The following MARCHF1 variants were observed in gnomAD, a reference collection of about 807,000 sequenced individuals.
MARCHF1 encodes the protein membrane associated ring-CH-type finger 1.
In MARCHF1, 40 loss-of-function variants were observed where a neutral mutation model predicts 54.2. That is an observed-to-expected ratio of 0.74 (90% CI 0.57 to 0.96). The LOEUF is 0.96. Among genes scored for constraint, MARCHF1 ranks in the 40% least tolerant of loss-of-function variants. MARCHF1 has a pLI of 0.00. For synonymous variants in MARCHF1, 236 were observed against 236.3 expected (o/e 1.00, Z 0.01); for missense variants, 586 against 656.5 (o/e 0.89, Z 1.17).
chr4:164,211,264 G>T (rs1731760881), intron 1 of MARCHF1, among the ~76,000 whole-genome samples: 2 of 112,552 alleles, frequency 1.8e-5, no homozygotes, highest in African/African-American at 6.5e-5. Context: ...TAATAAGCTT[G>T]ATTTAATCTT....
chr4:164,345,612 AAT>A (rs1730071301), intron 1 of MARCHF1, among the ~76,000 whole-genome samples: 4 of 148,642 alleles, frequency 2.7e-5, no homozygotes, highest in Admixed American at 2.7e-4. Context: ...TAATAATAAT[AAT>A]AAATTTAAAA....
In MARCHF1 at chr4:163,640,407, AT is replaced by A. The variant is rs1167744142; in HGVS notation, c.163-27015del. ...ACTTCTTATGCATAGTGAAGATTCT[AT>A]CAAAAATGTGAGGTGGCAAACAATG... On this transcript the variant is annotated intron_variant, in intron 5 of 9. Transcript: ENST00000514618. 2.0e-5 allele frequency among the ~76,000 whole-genome samples: 3 copies of A among 152,258 alleles called. No homozygotes were observed. The East Asian group carries it at 5.8e-4, about 29-fold the overall frequency.
chr4:164,123,200 A>G (rs990824094), intron 1 of MARCHF1, among the ~76,000 whole-genome samples: 1 of 152,118 alleles, frequency 6.6e-6, no homozygotes, highest in African/African-American at 2.4e-5. Context: ...TTAAAAAGTA[A>G]TCCAATTTAC....
chr4:163,621,656 A>G (rs1375438814), intron 5 of MARCHF1, among the ~76,000 whole-genome samples: 2 of 152,214 alleles, frequency 1.3e-5, no homozygotes, highest in Non-Finnish European at 2.9e-5. Context: ...GAAAGGAGAC[A>G]GAAGGTACGA....
At chr4:163,785,778 A>G (rs1747600674) in intron 4 of MARCHF1, among the ~76,000 whole-genome samples, 1 of 152,062 alleles carries the variant, frequency 6.6e-6, no homozygotes, top group Non-Finnish European at 1.5e-5. Context: ...CACCTAGAAA[A>G]TGTCCACATC....
intron 2 of MARCHF1, among the ~76,000 whole-genome samples, chr4:163,994,257 A>AGTGT (rs769035806): frequency 0.16 from 21,291 of 136,898 alleles, 1,843 homozygotes; most frequent in Non-Finnish European, 0.21. Context: ...ATAGAGAAAA[A>AGTGT]GTGTGTGTGT....
At chr4:164,276,372 T>C (rs1733879864) in intron 1 of MARCHF1, among the ~76,000 whole-genome samples, 1 of 152,134 alleles carries the variant, frequency 6.6e-6, no homozygotes, top group Admixed American at 6.5e-5. Flanking sequence ...AGCCACAAAA[T>C]TGTGCTTTTC....
chr4:163,918,169 G>A (rs1751350652), intron 3 of MARCHF1, among the ~76,000 whole-genome samples: 1 of 152,124 alleles, frequency 6.6e-6, no homozygotes, highest in Non-Finnish European at 1.5e-5. Flanking sequence ...ACCATTGCTT[G>A]TTTTTGTTAG....
chr4:164,217,089 G>C (rs1174807921), intron 1 of MARCHF1, among the ~76,000 whole-genome samples: 1 of 152,122 alleles, frequency 6.6e-6, no homozygotes, highest in East Asian at 1.9e-4. Context: ...TTATTTACTA[G>C]AGATGATAAT....
chr4:163,874,640 T>C (rs1346859216), intron 3 of MARCHF1, among the ~76,000 whole-genome samples: 1 of 152,196 alleles, frequency 6.6e-6, no homozygotes, highest in East Asian at 1.9e-4. Context: ...ATACCAGACA[T>C]GAACTCATGC....
intron 1 of MARCHF1, among the ~76,000 whole-genome samples, chr4:164,252,287 A>G (rs915837983): frequency 9.2e-5 from 14 of 152,162 alleles, no homozygotes; most frequent in South Asian, 2.1e-4. Context: ...TAGAACAGAT[A>G]TTTTTAAAAA....
intron 1 of MARCHF1, among the ~76,000 whole-genome samples, chr4:164,210,802 C>T (rs748156343): frequency 1.6e-4 from 25 of 151,996 alleles, no homozygotes; most frequent in Non-Finnish European, 2.8e-4. Context: ...GCAACCTAAG[C>T]GTCCATCAAA....
At chr4:163,697,155 A>C (rs1744660636) in intron 5 of MARCHF1, among the ~76,000 whole-genome samples, 1 of 152,142 alleles carries the variant, frequency 6.6e-6, no homozygotes, top group South Asian at 2.1e-4. Context: ...TGTTGCCACC[A>C]GGGGAGCTCG....
chr4:163,946,080 A>C (rs1752020142), intron 3 of MARCHF1, among the ~76,000 whole-genome samples: 1 of 152,138 alleles, frequency 6.6e-6, no homozygotes, highest in African/African-American at 2.4e-5. Context: ...TTTAAAGTTG[A>C]TTTGCTACAA....
At chr4:163,779,726 T>A (rs1225133791) in intron 4 of MARCHF1, among the ~76,000 whole-genome samples, 1 of 152,078 alleles carries the variant, frequency 6.6e-6, no homozygotes, top group African/African-American at 2.4e-5. Context: ...TGGGAGATAT[T>A]CTTGGGATGT....
intron 2 of MARCHF1, among the ~76,000 whole-genome samples, chr4:164,025,601 A>G (rs373007246): frequency 1.3e-5 from 2 of 152,132 alleles, no homozygotes; most frequent in East Asian, 3.9e-4. Context: ...AGTTTATAGC[A>G]CTAAATGCTT....
intron 1 of MARCHF1, among the ~76,000 whole-genome samples, chr4:164,276,934 C>A (rs1438425870): frequency 3.1e-4 from 36 of 115,400 alleles, no homozygotes; most frequent in Admixed American, 5.0e-4. Flanking sequence ...GTCTCATATT[C>A]TATATATATA....
chr4:164,348,828 T>C (rs559410215), intron 1 of MARCHF1, among the ~76,000 whole-genome samples: 22 of 152,278 alleles, frequency 1.4e-4, no homozygotes, highest in South Asian at 6.2e-4. Context: ...AGATTATTTA[T>C]TGAAATACTA....
At chr4:163,727,737 A>G (rs1007076324) in intron 4 of MARCHF1, among the ~76,000 whole-genome samples, 2 of 152,064 alleles carry the variant, frequency 1.3e-5, no homozygotes, top group African/African-American at 2.4e-5. Context: ...CAGTGGCACA[A>G]TCATGGCTCA....
Sources: allele counts gnomAD v4.1 joint callset (sites outside exome capture counted in the v4.1 genomes callset), GRCh38; gene constraint gnomAD v4.1.1; transcripts MANE v1.5; gene names NCBI Gene and HGNC (gene_info 2026-07-23, HGNC 2026-07-21).